The following RAP1A variants were observed in gnomAD, a reference collection of about 807,000 sequenced individuals.
RAP1A encodes the protein RAP1A, member of RAS oncogene family.
RAP1A carries 6 observed loss-of-function variants against 26.4 expected under a neutral mutation model. The observed-to-expected ratio is 0.23, with a 90% CI of 0.12 to 0.45. The LOEUF is 0.45. Among genes scored for constraint, RAP1A ranks in the 20% least tolerant of loss-of-function variants. The pLI is 0.99. For missense variants in RAP1A, 121 were observed against 217.2 expected, an observed-to-expected ratio of 0.56 and a Z score of 2.78; for synonymous variants, 73 against 79.4, an observed-to-expected ratio of 0.92 and a Z score of 0.43.
chr1:111,570,596 A>G lies in RAP1A; in HGVS notation c.-28+28087A>G, dbSNP rs78841764. The stretch of plus-strand genomic sequence containing the variant: ...ATAAAAGAATACCTGAGACGGGGTA[A>G]TTTATAAAGAGGTATATTTAACTCA... On this transcript the variant is annotated intron_variant, in intron 1 of 7. Transcript: ENST00000356415. Among the ~76,000 whole-genome samples the G allele has an allele frequency of 5.3e-3, 806 of 152,236 alleles. 9 individuals are homozygous for G. The highest frequency in any genetic ancestry group is 0.019 in the African/African-American group (773 of 41,552).
At chr1:111,580,259 T>C (rs1189227353) in intron 1 of RAP1A, among the ~76,000 whole-genome samples, 1 of 152,182 alleles carries the variant, frequency 6.6e-6, no homozygotes, top group Non-Finnish European at 1.5e-5. Context: ...GGAGAACATC[T>C]TTACAAAAGT....
intron 1 of RAP1A, among the ~76,000 whole-genome samples, chr1:111,623,522 T>G (rs1049517008): frequency 2.4e-4 from 37 of 152,132 alleles, no homozygotes; most frequent in African/African-American, 8.9e-4. Flanking sequence ...TTCTCCTGCC[T>G]TAGCCTCCTG....
intron 1 of RAP1A, among the ~76,000 whole-genome samples, chr1:111,571,625 A>G (rs1658050344): frequency 6.6e-6 from 1 of 152,206 alleles, no homozygotes; most frequent in Admixed American, 6.5e-5. Context: ...ACAATTGCAC[A>G]CAGATTCTTA....
At chr1:111,651,188 A>T (rs764048389) in intron 1 of RAP1A, among the ~76,000 whole-genome samples, 1 of 152,112 alleles carries the variant, frequency 6.6e-6, no homozygotes, top group African/African-American at 2.4e-5. Context: ...TTGGCTATAT[A>T]TAAAGAGGAA....
At chr1:111,633,592 A>C (rs192198166) in intron 1 of RAP1A, among the ~76,000 whole-genome samples, 297 of 152,282 alleles carry the variant, frequency 2.0e-3, no homozygotes, top group Non-Finnish European at 3.4e-3. Flanking sequence ...GTATCTCGAA[A>C]TTGGTCAAAT....
intron 1 of RAP1A, among the ~76,000 whole-genome samples, chr1:111,676,898 A>G (rs536807015): frequency 1.5e-3 from 230 of 151,936 alleles, no homozygotes; most frequent in Non-Finnish European, 2.5e-3. Context: ...TGTTCAAGCA[A>G]TTCTCCTGCC....
intron 1 of RAP1A, among the ~76,000 whole-genome samples, chr1:111,660,666 C>T (rs1229933001): frequency 3.3e-5 from 5 of 152,216 alleles, no homozygotes; most frequent in Non-Finnish European, 7.3e-5. Flanking sequence ...TTAAAAATTT[C>T]AGTGGAAACT....
At chr1:111,625,065 G>A (rs1478678985) in intron 1 of RAP1A, among the ~76,000 whole-genome samples, 1 of 152,168 alleles carries the variant, frequency 6.6e-6, no homozygotes, top group Non-Finnish European at 1.5e-5. Flanking sequence ...ATATGTTTTA[G>A]TGTCCGAATG....
intron 1 of RAP1A, among the ~76,000 whole-genome samples, chr1:111,556,870 C>A (rs946091212): frequency 2.0e-5 from 3 of 151,516 alleles, no homozygotes; most frequent in African/African-American, 7.3e-5. Context: ...GAACTGTACA[C>A]TTAGAAATAG....
chr1:111,555,544 C>T (rs1657455580), intron 1 of RAP1A, among the ~76,000 whole-genome samples: 1 of 151,694 alleles, frequency 6.6e-6, no homozygotes, highest in South Asian at 2.1e-4. Flanking sequence ...TTACAGAATT[C>T]AGCTTAGAGA....
chr1:111,663,382 G>T (rs1017371165), intron 1 of RAP1A, among the ~76,000 whole-genome samples: 1 of 152,296 alleles, frequency 6.6e-6, no homozygotes, highest in South Asian at 2.1e-4. Flanking sequence ...CTGATTTGGG[G>T]TTCCTAATCT....
Position 111,619,929 on chromosome 1 carries a change from G to A in RAP1A, c.-33G>A, listed in dbSNP as rs911427410. On this transcript the variant is annotated 5_prime_UTR_variant, in exon 1 of 8. Coordinates refer to ENST00000369709, the MANE Select transcript of RAP1A (RefSeq NM_002884.4). ...GAGGAGGTGGAGGAGGCGCCGGACC[G>A]GGGGGGTGAGTAAGGGGCGGGGAGC... 1.0e-5 allele frequency: 4 copies of A among 395,502 alleles called. No individual in the cohort carries two copies. Among genetic ancestry groups the A allele is most frequent in the East Asian group, 7.2e-5 (2 of 27,884 alleles). The allele number at this position is 395,502 out of a possible 1,614,324, so 24.5% of individuals were successfully genotyped here. A position where few individuals can be genotyped will look rare whatever the true frequency, so the allele number is the denominator to read the frequency against.
rs1451447405 is a variant in RAP1A, at chr1:111,716,511, A to G, written c.*4110A>G. 6.6e-6 allele frequency: 1 copy of G among 152,350 alleles called. No individual in the cohort carries two copies. Among genetic ancestry groups the G allele is most frequent in the South Asian group, 2.1e-4 (1 of 4,824 alleles). 9.4% of individuals were successfully genotyped at this position (152,350 alleles called of 1,614,324 possible). A position where few individuals can be genotyped will look rare whatever the true frequency, so the allele number is the denominator to read the frequency against. The stretch of plus-strand genomic sequence containing the variant: ...GCAACGTGGATTCTGTTTTGTAGAC[A>G]TTAATGAGCTTTAAATGGGAATTGG... On this transcript the variant is annotated 3_prime_UTR_variant, in exon 8 of 8. Transcript: ENST00000369709.
chr1:111,628,012 A>G (rs544225128), intron 1 of RAP1A, among the ~76,000 whole-genome samples: 1 of 151,894 alleles, frequency 6.6e-6, no homozygotes, highest in Non-Finnish European at 1.5e-5. Context: ...TTGCTTTGCC[A>G]CTTACTAAGT....
At chr1:111,679,915 A>G (rs1412852313) in intron 1 of RAP1A, among the ~76,000 whole-genome samples, 1 of 152,200 alleles carries the variant, frequency 6.6e-6, no homozygotes, top group Non-Finnish European at 1.5e-5. Context: ...TAAAACTCCC[A>G]TCTCCCTGGT....
chr1:111,702,270 A>C (rs1662043385), intron 4 of RAP1A, among the ~76,000 whole-genome samples: 2 of 152,190 alleles, frequency 1.3e-5, no homozygotes, highest in South Asian at 4.1e-4. Context: ...AGACATACAC[A>C]TTTTTAATAT....
intron 1 of RAP1A, among the ~76,000 whole-genome samples, chr1:111,610,350 A>G (rs543174987): frequency 6.6e-6 from 1 of 152,286 alleles, no homozygotes; most frequent in Non-Finnish European, 1.5e-5. Flanking sequence ...TGAATTTGGA[A>G]TTTGCTCCCT....
intron 1 of RAP1A, among the ~76,000 whole-genome samples, chr1:111,590,072 C>G (rs1658442704): frequency 6.6e-6 from 1 of 151,950 alleles, no homozygotes; most frequent in African/African-American, 2.4e-5. Flanking sequence ...ACCCGGCCTA[C>G]TATACTTTCT....
chr1:111,653,494 C>A (rs1002894267), intron 1 of RAP1A, among the ~76,000 whole-genome samples: 8 of 151,782 alleles, frequency 5.3e-5, no homozygotes, highest in African/African-American at 1.9e-4. Flanking sequence ...CCAGCCTGAT[C>A]AACATGGAGA....
Sources: gnomAD v4.1 joint callset for allele counts (sites outside exome capture counted in the v4.1 genomes callset) on GRCh38, gnomAD v4.1.1 for gene constraint, MANE v1.5 for transcripts, NCBI Gene and HGNC (gene_info 2026-07-23, HGNC 2026-07-21) for gene names.